The following ABCC8 variants were observed in gnomAD, a reference collection of about 807,000 sequenced individuals.
ABCC8 encodes the protein ATP binding cassette subfamily C member 8.
Under a neutral mutation model 188.0 loss-of-function variants are expected in ABCC8, and 137 were observed. That is an observed-to-expected ratio of 0.73 (90% confidence interval 0.63 to 0.84). The LOEUF (loss-of-function observed/expected upper bound fraction) is 0.84. Among genes scored for constraint, ABCC8 ranks in the 40% least tolerant of loss-of-function variants. The probability of loss-of-function intolerance (pLI) is 0.00; values close to 1 mark genes in which losing one functional copy is unlikely to be tolerated. For synonymous variants in ABCC8, 797 were observed against 846.5 expected (o/e 0.94, Z 1.01); for missense variants, 1,750 against 2,072.7 (o/e 0.84, Z 3.02).
chr11:17,428,720 G>T (rs1955712585), intron 12 of ABCC8, 50 bp from the exon 13 acceptor site: 1 of 1,604,328 alleles, frequency 6.2e-7, no homozygotes, highest in South Asian at 1.1e-5. Context: ...GGGCAGAGGG[G>T]AGGGGAGAGG....
chr11:17,409,608 GA>G (rs1204736889), intron 22 of ABCC8, among the ~76,000 whole-genome samples: 14 of 152,122 alleles, frequency 9.2e-5, no homozygotes, highest in Admixed American at 6.5e-4. Flanking sequence ...TACATGGAAG[GA>G]AGATTTATTT....
chr11:17,459,476 C>A (rs1405275006), intron 6 of ABCC8, among the ~76,000 whole-genome samples: 1 of 152,104 alleles, frequency 6.6e-6, no homozygotes, highest in Non-Finnish European at 1.5e-5. Context: ...ATTATGTCTC[C>A]AGAAAAATGA....
intron 8 of ABCC8, among the ~76,000 whole-genome samples, chr11:17,447,285 G>T (rs572555652): frequency 6.6e-6 from 1 of 152,166 alleles, no homozygotes; most frequent in African/African-American, 2.4e-5. Context: ...GAAGAGCTCC[G>T]GGTGGGAGAT....
At chr11:17,408,870 G>A (rs1366998142) in intron 22 of ABCC8, among the ~76,000 whole-genome samples, 1 of 152,178 alleles carries the variant, frequency 6.6e-6, no homozygotes, top group Non-Finnish European at 1.5e-5. Flanking sequence ...CTTGACGGCG[G>A]GTCTGGCAGC....
At position 17,427,151 on chromosome 11, in the gene ABCC8, T is replaced by C. The variant is rs765287539; in HGVS notation, c.2120A>G (p.Gln707Arg). 1.2e-6 allele frequency: 2 copies of C among 1,612,636 alleles called. No homozygotes were observed. Among genetic ancestry groups the C allele is most frequent in the East Asian group, 4.5e-5 (2 of 44,820 alleles). ...SNITIRIPRG[Q>R]LTMIVGQVGC... ...CACCTGCCCCACGATCATAGTCAGC[T>C]GGCCTGCAGGGAGGGAGGGTGGCAG... is the stretch of plus-strand genomic sequence containing the variant. Residue 707 changes from glutamine to arginine, a missense_variant, in exon 16 of 39, where the codon CAG becomes CGG. Coordinates refer to ENST00000389817, the MANE Select transcript of ABCC8 (RefSeq NM_000352.6). This position sits in a 1 kb window ranked among gnomAD's most constrained non-coding sequence, Gnocchi z 5.0.
chr11:17,397,873 G>T, intron 30 of ABCC8, 76 bp from the exon 31 acceptor site: 1 of 1,571,920 alleles, frequency 6.4e-7, no homozygotes. Context: ...ACTCCTTTTC[G>T]GGGCAGAGAG....
intron 19 of ABCC8, 45 bp downstream of exon 19, chr11:17,414,467 C>T: frequency 2.5e-6 from 4 of 1,611,070 alleles, no homozygotes; most frequent in Non-Finnish European, 3.4e-6. Context: ...TGGCCAGAGA[C>T]AGTTCCTCCC....
chr11:17,409,297 C>T (rs767598453), intron 22 of ABCC8, among the ~76,000 whole-genome samples: 11 of 152,242 alleles, frequency 7.2e-5, no homozygotes, highest in Admixed American at 2.6e-4. Context: ...GACACCATCA[C>T]GTAGACCTGA....
chr11:17,414,820 C>T, intron 18 of ABCC8: 1 of 489,192 alleles, frequency 2.0e-6, no homozygotes, highest in Non-Finnish European at 2.7e-6. Context: ...GCAGCAGGAC[C>T]TCATCCCCTC....
chr11:17,446,981 A>G (rs1306832704), intron 8 of ABCC8, among the ~76,000 whole-genome samples: 1 of 152,196 alleles, frequency 6.6e-6, no homozygotes, highest in East Asian at 1.9e-4. Flanking sequence ...ATATTTACGA[A>G]GTGAAGACTC....
chr11:17,406,491 C>T (rs1315803182), intron 26 of ABCC8, 131 bp downstream of exon 26: 2 of 1,006,724 alleles, frequency 2.0e-6, no homozygotes, highest in Non-Finnish European at 2.9e-6. Flanking sequence ...CACTTTTACA[C>T]ACACTGTCTC....
At chr11:17,423,356 C>CAAAA (rs58524307) in intron 16 of ABCC8, among the ~76,000 whole-genome samples, 768 of 63,298 alleles carry the variant, frequency 0.012, 85 homozygotes, top group African/African-American at 0.038. Flanking sequence ...GACTCCGTCT[C>CAAAA]AAAAAAAAAA....
At chr11:17,394,153 C>A in intron 37 of ABCC8, 113 bp downstream of exon 37, 1 of 1,354,486 alleles carries the variant, frequency 7.4e-7, no homozygotes. Context: ...CAACACATAG[C>A]ATTTGATGTT....
intron 10 of ABCC8, chr11:17,436,204 A>G: frequency 1.5e-6 from 1 of 678,388 alleles, no homozygotes; most frequent in Non-Finnish European, 2.7e-6. Context: ...TCTGGATGGA[A>G]GTGACCAGCT....
chr11:17,460,160 G>A (rs1408496224), intron 6 of ABCC8, among the ~76,000 whole-genome samples: 2 of 152,216 alleles, frequency 1.3e-5, no homozygotes, highest in East Asian at 3.8e-4. Context: ...TGAACTGAAA[G>A]CCAACAAATC....
rs1221373385 is a variant in ABCC8, at chr11:17,410,625, T to C, written c.2585A>G (p.His862Arg). 31 of 1,613,830 alleles carry C rather than the reference T, an allele frequency of 1.9e-5. No homozygotes were observed. Among genetic ancestry groups the C allele is most frequent in the African/African-American group, 2.7e-5 (2 of 74,838 alleles). Residue 862 changes from histidine (H) to arginine (R), a missense_variant, in exon 22 of 39, where the codon CAT (histidine) becomes CGT (arginine). Transcript: ENST00000389817. ...GGCCTGCATTAAGTGGTCACTCAGATGGATATCCAGAGCTGAGAAGGGGTC... is the reference window on the plus strand; with the variant it reads ...GGCCTGCATTAAGTGGTCACTCAGACGGATATCCAGAGCTGAGAAGGGGTC... ...LDDPFSALDIHLSDHLMQAGI... is the reference protein window; with the variant it reads ...LDDPFSALDIRLSDHLMQAGI...
chr11:17,436,392 TG>T, intron 10 of ABCC8, among the ~76,000 whole-genome samples: 1 of 151,890 alleles, frequency 6.6e-6, no homozygotes, highest in Non-Finnish European at 1.5e-5. Flanking sequence ...ACAGCTGTCA[TG>T]GGTTGAAGAT....
intron 10 of ABCC8, among the ~76,000 whole-genome samples, chr11:17,438,921 T>A (rs1164054463): frequency 6.6e-6 from 1 of 152,236 alleles, no homozygotes; most frequent in Admixed American, 6.5e-5. Context: ...CAAGTTGTTA[T>A]GAGGATGAAG....
At chr11:17,461,344 G>A (rs912541075) in intron 5 of ABCC8, 22 of 576,116 alleles carry the variant, frequency 3.8e-5, no homozygotes, top group Admixed American at 8.7e-5. Flanking sequence ...TCTGGATAAG[G>A]ACTTTGGACT....
Sources: gnomAD v4.1 joint callset for allele counts (sites outside exome capture counted in the v4.1 genomes callset) on GRCh38, gnomAD v4.1.1 for gene constraint, Gnocchi (gnomAD v3.1) non-coding constraint, MANE v1.5 for transcripts, NCBI Gene and HGNC (gene_info 2026-07-23, HGNC 2026-07-21) for gene names.